TEAD3: variants seen among roughly 807,000 people sequenced by gnomAD.
TEAD3 encodes the protein transcriptional enhancer factor TEF-5.
TEAD3 carries 15 observed loss-of-function variants against 55.6 expected under a neutral mutation model. The ratio of observed to expected loss-of-function variants is 0.27; its 90% confidence interval spans 0.18 to 0.42. TEAD3 has a LOEUF of 0.42. Among genes scored for constraint, TEAD3 ranks in the 10% least tolerant of loss-of-function variants. The pLI is 1.00. For synonymous variants in TEAD3, 210 were observed against 232.2 expected (o/e 0.90, Z 0.87); for missense variants, 407 against 576.8 (o/e 0.71, Z 3.01).
At position 35,486,192 on chromosome 6, in the gene TEAD3, C is replaced by T. The variant is rs1768374854; in HGVS notation, c.202+269G>A. 6.6e-6 allele frequency among the ~76,000 whole-genome samples: 1 copy of T among 152,234 alleles called. No homozygotes were observed. Among genetic ancestry groups the T allele is most frequent in the Admixed American group, 6.5e-5 (1 of 15,288 alleles). ...CTGGGCTGACCCACTTTCTTGGGCC[C>T]ACTGAGTCACCTCGAAACCTCCAGG... is the stretch of plus-strand genomic sequence containing the variant. On this transcript the variant is annotated intron_variant, in intron 2 of 12. Coordinates refer to ENST00000639578, the Ensembl canonical transcript of TEAD3. The surrounding 1 kb of genome is among the most constrained non-coding windows in gnomAD (Gnocchi z 7.3).
Position 35,488,772 on chromosome 6 carries a change from A to G in TEAD3, c.-49-2061T>C, listed in dbSNP as rs1768440399. On this transcript the variant is annotated intron_variant, in intron 1 of 12. Transcript: ENST00000639578. The surrounding 1 kb of genome is among the most constrained non-coding windows in gnomAD (Gnocchi z 4.2). ...GGAGTCTTGCTCTGTCGCCCAGGCTAGAGTGCAATGGCGCGATCTCTGCTC... is the reference window on the plus strand; with the variant it reads ...GGAGTCTTGCTCTGTCGCCCAGGCTGGAGTGCAATGGCGCGATCTCTGCTC... Among the ~76,000 whole-genome samples, 1 of 151,918 alleles carries G rather than the reference A, an allele frequency of 6.6e-6. No homozygotes were observed. The highest frequency in any genetic ancestry group is 2.4e-5 in the African/African-American group (1 of 41,354).
Position 35,477,296 on chromosome 6 carries a change from G to C in TEAD3, c.592+15C>G. On this transcript the variant is annotated intron_variant, in intron 8 of 12. Coordinates refer to ENST00000639578, the Ensembl canonical transcript of TEAD3. ...TGCAGGTGCCAAGGGAGAGCACCTC[G>C]TGTGGGGAACTTACTGCTGAGCGTC... The C allele has an allele frequency of 6.2e-7, 1 of 1,609,688 alleles. No individual in the cohort carries two copies. The highest frequency in any genetic ancestry group is 8.5e-7 in the Non-Finnish European group (1 of 1,179,698).
Position 35,485,771 on chromosome 6 carries a change from C to G in TEAD3, c.202+690G>C, listed in dbSNP as rs1768362672. Reference sequence around the variant, plus strand: ...AGCGGACCTGATCCCTTCCCACAGGCGCGCCCTGGGAAGGGCTGGGCCTGC... The same window carrying G: ...AGCGGACCTGATCCCTTCCCACAGGGGCGCCCTGGGAAGGGCTGGGCCTGC... On this transcript the variant is annotated intron_variant, in intron 2 of 12. Coordinates refer to ENST00000639578, the Ensembl canonical transcript of TEAD3. This position sits in a 1 kb window ranked among gnomAD's most constrained non-coding sequence, Gnocchi z 4.3. 6.6e-6 allele frequency among the ~76,000 whole-genome samples: 1 copy of G among 152,174 alleles called. No homozygotes were observed. Among genetic ancestry groups the G allele is most frequent in the African/African-American group, 2.4e-5 (1 of 41,454 alleles).
At chr6:35,480,264 G>A in intron 3 of TEAD3, 48 bp downstream of exon 4, 6 of 1,603,088 alleles carry the variant, frequency 3.7e-6, no homozygotes, top group Non-Finnish European at 5.1e-6. Context: ...AGCGCCGTGG[G>A]TGAGGGGCCC....
chr6:35,493,535 G>A (rs914732360), intron 1 of TEAD3, among the ~76,000 whole-genome samples: 3 of 152,126 alleles, frequency 2.0e-5, no homozygotes, highest in African/African-American at 4.8e-5. Flanking sequence ...CCCACACACC[G>A]CATACCATAT....
Position 35,485,775 on chromosome 6 carries a change from C to G in TEAD3, c.202+686G>C, listed in dbSNP as rs954146232. ...GACCTGATCCCTTCCCACAGGCGCG[C>G]CCTGGGAAGGGCTGGGCCTGCCTCG... On this transcript the variant is annotated intron_variant, in intron 2 of 12. Transcript: ENST00000639578. This position sits in a 1 kb window ranked among gnomAD's most constrained non-coding sequence, Gnocchi z 4.3. Among the ~76,000 whole-genome samples the G allele has an allele frequency of 2.0e-5, 3 of 151,986 alleles. No homozygotes were observed. Among genetic ancestry groups the G allele is most frequent in the African/African-American group, 7.2e-5 (3 of 41,448 alleles).
In TEAD3 at chr6:35,488,404, C is replaced by T. The variant is rs1221625765; in HGVS notation, c.-49-1693G>A. On this transcript the variant is annotated intron_variant, in intron 1 of 12. Coordinates refer to ENST00000639578, the Ensembl canonical transcript of TEAD3. The surrounding 1 kb of genome is among the most constrained non-coding windows in gnomAD (Gnocchi z 4.2). ...CACAACCCCAAGACTCACCCCAAAT[C>T]CCCTTCAGCCCCAGAACCCACATGT... Among the ~76,000 whole-genome samples, 3 of 152,144 alleles carry T rather than the reference C, an allele frequency of 2.0e-5. No homozygotes were observed. The highest frequency in any genetic ancestry group is 7.2e-5 in the African/African-American group (3 of 41,428).
intron 3 of TEAD3, 71 bp downstream of exon 4, chr6:35,480,241 G>A: frequency 1.3e-6 from 2 of 1,578,124 alleles, no homozygotes; most frequent in African/African-American, 1.3e-5. Context: ...AAAGGCCTGA[G>A]CTATGCAGAG....
chr6:35,484,584 C>T lies in TEAD3; in HGVS notation c.243G>A (p.Thr81=), dbSNP rs1376868007. The T allele has an allele frequency of 8.1e-6, 13 of 1,605,464 alleles. No individual in the cohort carries two copies. Among genetic ancestry groups the T allele is most frequent in the South Asian group, 3.4e-5 (3 of 89,184 alleles). ...CCTGTTTTCTCGTCCGAGTCTTCCCCGTCCTCAGTTTAATATAGCGTGCAA... is the reference window on the plus strand; with the variant it reads ...CCTGTTTTCTCGTCCGAGTCTTCCCTGTCCTCAGTTTAATATAGCGTGCAA... The change falls in exon 3 of 13, where the codon ACG becomes ACA. Residue 81 remains threonine (T), a synonymous_variant. Transcript: ENST00000639578. The surrounding 1 kb of genome is among the most constrained non-coding windows in gnomAD (Gnocchi z 5.8).
Position 35,491,898 on chromosome 6 carries a change from C to A in TEAD3, c.-50+5000G>T, listed in dbSNP as rs1255276654. ...TCCAGGGATCAGGCTGGAGCTGGGG[C>A]CGCTGCAGAGGCCCTGGTCCCCCAC... On this transcript the variant is annotated intron_variant, in intron 1 of 12. Transcript: ENST00000639578. This position sits in a 1 kb window ranked among gnomAD's most constrained non-coding sequence, Gnocchi z 4.4. Among the ~76,000 whole-genome samples, 1 of 152,194 alleles carries A rather than the reference C, an allele frequency of 6.6e-6. No individual in the cohort carries two copies. Among genetic ancestry groups the A allele is most frequent in the Non-Finnish European group, 1.5e-5 (1 of 68,010 alleles).
At position 35,496,653 on chromosome 6, in the gene TEAD3, C is replaced by T. The variant is rs1032475082; in HGVS notation, c.-50+245G>A. On this transcript the variant is annotated intron_variant, in intron 1 of 12. Transcript: ENST00000639578. The surrounding 1 kb of genome is among the most constrained non-coding windows in gnomAD (Gnocchi z 4.8). ...CAGGGGACACGGTCTCCCCGGCTTC[C>T]CCACCTTCCCGGACCAACTCGTCCC... 1.6e-3 allele frequency among the ~76,000 whole-genome samples: 239 copies of T among 152,312 alleles called. No individual in the cohort carries two copies. Among genetic ancestry groups the T allele is most frequent in the African/African-American group, 5.5e-3 (228 of 41,574 alleles).
chr6:35,478,460 G>T, exon 6 of TEAD3: 2 of 1,613,336 alleles, frequency 1.2e-6, no homozygotes, highest in Non-Finnish European at 1.7e-6. Flanking sequence ...AAGACGGCCT[G>T]GGGCAGAGGG....
In TEAD3 at chr6:35,491,003, C is replaced by T. The variant is rs1246520230; in HGVS notation, c.-49-4292G>A. On this transcript the variant is annotated intron_variant, in intron 1 of 12. Transcript: ENST00000639578. The surrounding 1 kb of genome is among the most constrained non-coding windows in gnomAD (Gnocchi z 4.4). The stretch of plus-strand genomic sequence containing the variant: ...GGGTCAAGGGGAGGGAGACCAAGGC[C>T]GGGGTGGGGCCTGAGACAGACAGGA... Among the ~76,000 whole-genome samples, 6 of 127,510 alleles carry T rather than the reference C, an allele frequency of 4.7e-5. No homozygotes were observed. Among genetic ancestry groups the T allele is most frequent in the East Asian group, 2.5e-4 (1 of 4,028 alleles). 83.7% of individuals were successfully genotyped at this position (127,510 alleles called of 152,430 possible).
At chr6:35,495,502 C>T (rs1327939784) in intron 1 of TEAD3, among the ~76,000 whole-genome samples, 2 of 152,140 alleles carry the variant, frequency 1.3e-5, no homozygotes, top group African/African-American at 4.8e-5. Flanking sequence ...ATCCAGGGCC[C>T]CTGAAGTTAC....
intron 3 of TEAD3, among the ~76,000 whole-genome samples, chr6:35,480,834 C>T (rs1360705600): frequency 1.3e-5 from 2 of 152,092 alleles, no homozygotes; most frequent in Non-Finnish European, 2.9e-5. Flanking sequence ...GTCCTCCCCG[C>T]AAAAAGGGTG....
In TEAD3 at chr6:35,490,622, C is replaced by T. The variant is rs369405014; in HGVS notation, c.-49-3911G>A. The stretch of plus-strand genomic sequence containing the variant: ...GGCAGTCGTGGGCAGGCAGCTGCCC[C>T]CGTCTGGGGGCTGGACCGGGGTCTC... On this transcript the variant is annotated intron_variant, in intron 1 of 12. Transcript: ENST00000639578. 5.6e-4 allele frequency among the ~76,000 whole-genome samples: 85 copies of T among 152,324 alleles called. No homozygotes were observed. The East Asian group carries it at 0.012, about 21-fold the overall frequency.
rs980010784 is a variant in TEAD3, at chr6:35,486,397, T to A, written c.202+64A>T. ...GCGGCCTCCGACGTCACCAAACCGG[T>A]TGGGTGAGAGGGCAGAGAGCAGGGG... On this transcript the variant is annotated intron_variant, in intron 2 of 12. Transcript: ENST00000639578. This position sits in a 1 kb window ranked among gnomAD's most constrained non-coding sequence, Gnocchi z 7.3. 8 of 1,539,178 alleles carry A rather than the reference T, an allele frequency of 5.2e-6. No individual in the cohort carries two copies. In the East Asian group the frequency reaches 1.8e-4, roughly 35 times the overall value.
At chr6:35,482,249 T>G (rs1768281248) in intron 3 of TEAD3, among the ~76,000 whole-genome samples, 1 of 152,158 alleles carries the variant, frequency 6.6e-6, no homozygotes, top group African/African-American at 2.4e-5. Context: ...CCTCCCAAAG[T>G]CCTGGGATTA....
At chr6:35,477,855 T>G (rs1355694132) in intron 7 of TEAD3, among the ~76,000 whole-genome samples, 6 of 151,770 alleles carry the variant, frequency 4.0e-5, no homozygotes, top group African/African-American at 1.5e-4. Flanking sequence ...TTTTCTTTTT[T>G]CAGAGACAGG....
Sources: gnomAD v4.1 joint callset for allele counts (sites outside exome capture counted in the v4.1 genomes callset) on GRCh38, gnomAD v4.1.1 for gene constraint, Gnocchi (gnomAD v3.1) non-coding constraint, MANE v1.5 for transcripts, NCBI Gene and HGNC (gene_info 2026-07-23, HGNC 2026-07-21) for gene names.